Variants in GLG1 observed in about 807,000 individuals in gnomAD.
The protein encoded by GLG1 is golgi glycoprotein 1.
In GLG1, 38 loss-of-function variants were observed where a neutral mutation model predicts 160.5. The ratio of observed to expected loss-of-function variants is 0.24; its 90% CI spans 0.18 to 0.31. The LOEUF (loss-of-function observed/expected upper bound fraction) is 0.31, where lower values mean the gene tolerates loss of function less well. Among genes scored for constraint, GLG1 ranks in the 10% least tolerant of loss-of-function variants. GLG1 has a pLI of 1.00. For missense variants in GLG1, 1,373 were observed against 1,505.2 expected, an observed-to-expected ratio of 0.91 and a Z score of 1.45; for synonymous variants, 644 against 543.4, an observed-to-expected ratio of 1.19 and a Z score of -2.57.
At chr16:74,581,705 G>A (rs931166776) in intron 1 of GLG1, among the ~76,000 whole-genome samples, 1 of 152,068 alleles carries the variant, frequency 6.6e-6, no homozygotes, top group African/African-American at 2.4e-5. Context: ...GAGGTCAGGA[G>A]TTCGAGACCA....
At chr16:74,606,137 C>T (rs1297178769) in intron 1 of GLG1, among the ~76,000 whole-genome samples, 1 of 152,200 alleles carries the variant, frequency 6.6e-6, no homozygotes, top group Non-Finnish European at 1.5e-5. Context: ...TTCAATACAA[C>T]TGACCAAAGG....
At chr16:74,496,918 ATAGTT>A (rs1443331596) in intron 4 of GLG1, among the ~76,000 whole-genome samples, 1 of 152,216 alleles carries the variant, frequency 6.6e-6, no homozygotes, top group South Asian at 2.1e-4. Context: ...TTTAAGTATT[ATAGTT>A]TAGTTAGCAC....
At position 74,594,386 on chromosome 16, in the gene GLG1, T is replaced by A. The variant is rs138940144; in HGVS notation, c.438+12271A>T. 3.3e-5 allele frequency among the ~76,000 whole-genome samples: 5 copies of A among 152,302 alleles called. No individual in the cohort carries two copies. In the East Asian group the frequency reaches 7.7e-4, roughly 23 times the overall value. On this transcript the variant is annotated intron_variant, in intron 1 of 25. Transcript: ENST00000422840. ...GTACAGGTCCTGTAAATATCACACA[T>A]TCAGTCAAACAAAACTTTCTGATTT... is the stretch of plus-strand genomic sequence containing the variant.
chr16:74,455,337 T>G (rs1376318050), intron 25 of GLG1, among the ~76,000 whole-genome samples: 2 of 151,892 alleles, frequency 1.3e-5, no homozygotes, highest in African/African-American at 4.8e-5. Flanking sequence ...TAGGGAGGCG[T>G]GAGATGAATG....
chr16:74,480,822 G>C (rs2015572069), intron 10 of GLG1, among the ~76,000 whole-genome samples: 1 of 152,100 alleles, frequency 6.6e-6, no homozygotes, highest in Non-Finnish European at 1.5e-5. Context: ...AAAGTGCTGG[G>C]ATTACAGGCA....
chr16:74,536,849 T>C (rs921816210), intron 1 of GLG1, among the ~76,000 whole-genome samples: 6 of 152,196 alleles, frequency 3.9e-5, no homozygotes, highest in African/African-American at 1.4e-4. Context: ...TTAAGATTCC[T>C]ACCTCTACCT....
At chr16:74,554,267 C>G (rs1051524181) in intron 1 of GLG1, among the ~76,000 whole-genome samples, 11 of 152,244 alleles carry the variant, frequency 7.2e-5, no homozygotes, top group Non-Finnish European at 1.2e-4. Flanking sequence ...GGCGCCGTGA[C>G]TCACGCCTGT....
chr16:74,473,158 T>C (rs1452468311), intron 13 of GLG1, among the ~76,000 whole-genome samples: 1 of 152,162 alleles, frequency 6.6e-6, no homozygotes, highest in Admixed American at 6.5e-5. Flanking sequence ...TTAGCTGCCC[T>C]CCTCTGTATT....
intron 2 of GLG1, among the ~76,000 whole-genome samples, chr16:74,529,806 A>C (rs1164692065): frequency 8.5e-6 from 1 of 117,314 alleles, no homozygotes; most frequent in Non-Finnish European, 1.7e-5. Flanking sequence ...TGGCTCTTTG[A>C]GAGTTCTTTT....
intron 1 of GLG1, among the ~76,000 whole-genome samples, chr16:74,570,927 AAT>A (rs1426284899): frequency 1.3e-5 from 2 of 151,902 alleles, no homozygotes; most frequent in Non-Finnish European, 2.9e-5. Flanking sequence ...GATGGATTAT[AAT>A]TCCTTCACTC....
chr16:74,602,734 G>A (rs1487959412), intron 1 of GLG1, among the ~76,000 whole-genome samples: 1 of 151,870 alleles, frequency 6.6e-6, no homozygotes, highest in Non-Finnish European at 1.5e-5. Context: ...AGTGAGCCAA[G>A]ATCGTGCCCC....
At chr16:74,464,686 T>A (rs893344280) in intron 19 of GLG1, among the ~76,000 whole-genome samples, 1 of 152,230 alleles carries the variant, frequency 6.6e-6, no homozygotes, top group African/African-American at 2.4e-5. Flanking sequence ...TTTCCATTTT[T>A]ACATATGACT....
intron 9 of GLG1, among the ~76,000 whole-genome samples, chr16:74,484,386 T>C (rs2143334098): frequency 6.6e-6 from 1 of 152,196 alleles, no homozygotes; most frequent in South Asian, 2.1e-4. Context: ...CAGGCTGGAA[T>C]GCAATGGCAC....
intron 12 of GLG1, among the ~76,000 whole-genome samples, chr16:74,476,185 A>T (rs889711225): frequency 6.2e-5 from 9 of 145,248 alleles, no homozygotes; most frequent in East Asian, 2.0e-4. Flanking sequence ...GTCTCAAAAT[A>T]AAAAAAAAAA....
Position 74,582,630 on chromosome 16 carries a change from C to T in GLG1, c.438+24027G>A, listed in dbSNP as rs1234907464. On this transcript the variant is annotated intron_variant, in intron 1 of 25. Coordinates refer to ENST00000422840, the MANE Select transcript of GLG1 (RefSeq NM_001145667.2). Reference sequence around the variant, plus strand: ...GGTCAGGAGATCAAGACCATCCTGGCTAACACAGTGAAACCCTGTCTCTAC... The same window carrying T: ...GGTCAGGAGATCAAGACCATCCTGGTTAACACAGTGAAACCCTGTCTCTAC... Among the ~76,000 whole-genome samples the T allele has an allele frequency of 5.9e-5, 9 of 151,770 alleles. No individual in the cohort carries two copies. The East Asian group carries it at 9.9e-4, about 17-fold the overall frequency.
intron 13 of GLG1, chr16:74,472,775 T>C (rs572876130): frequency 2.6e-6 from 1 of 379,238 alleles, no homozygotes; most frequent in African/African-American, 2.1e-5. Flanking sequence ...GATATCCATC[T>C]TCAGTTTATA....
At position 74,483,046 on chromosome 16, in the gene GLG1, C is replaced by T. The variant is rs1288433479; in HGVS notation, c.1650G>A (p.Gln550=). ...EDCEHRLLEL[Q]YFISRDWKLD... ...ACTTCCAATCCCGGGAGATGAAATACTGCAGCTCTAAGAGACGGTGTTCAC... is the reference window on the plus strand; with the variant it reads ...ACTTCCAATCCCGGGAGATGAAATATTGCAGCTCTAAGAGACGGTGTTCAC... Residue 550 remains glutamine (Q), a synonymous_variant, in exon 10 of 26, where the codon CAG becomes CAA. Coordinates refer to ENST00000422840, the MANE Select transcript of GLG1 (RefSeq NM_001145667.2). The T allele has an allele frequency of 1.2e-6, 2 of 1,602,800 alleles. No homozygotes were observed. Among genetic ancestry groups the T allele is most frequent in the South Asian group, 2.2e-5 (2 of 90,850 alleles).
At chr16:74,467,248 T>C (rs1412893134) in intron 18 of GLG1, among the ~76,000 whole-genome samples, 1 of 152,206 alleles carries the variant, frequency 6.6e-6, no homozygotes, top group Non-Finnish European at 1.5e-5. Context: ...CTAGAAGAGG[T>C]AGCCGAGTAG....
At chr16:74,454,695 A>G (rs1375398136) in intron 25 of GLG1, among the ~76,000 whole-genome samples, 1 of 146,188 alleles carries the variant, frequency 6.8e-6, no homozygotes, top group Admixed American at 6.7e-5. Context: ...AAAAAAAAAA[A>G]AAAAATTTTT....
Sources: gnomAD v4.1 joint callset for allele counts (sites outside exome capture counted in the v4.1 genomes callset) on GRCh38, gnomAD v4.1.1 for gene constraint, MANE v1.5 for transcripts, NCBI Gene and HGNC (gene_info 2026-07-23, HGNC 2026-07-21) for gene names.